The following FRMD3 variants were observed in gnomAD, a reference collection of about 807,000 sequenced individuals.
FRMD3 encodes FERM domain containing 3.
In FRMD3, 33 loss-of-function variants were observed where a neutral mutation model predicts 70.2. The ratio of observed to expected loss-of-function variants is 0.47; its 90% CI spans 0.36 to 0.63. The LOEUF is 0.63. Among genes scored for constraint, FRMD3 ranks in the 20% least tolerant of loss-of-function variants. FRMD3 has a pLI of 0.00. For synonymous variants in FRMD3, 279 were observed against 255.9 expected, an observed-to-expected ratio of 1.09 and a Z score of -0.86; for missense variants, 632 against 711.4, an observed-to-expected ratio of 0.89 and a Z score of 1.27.
intron 6 of FRMD3, among the ~76,000 whole-genome samples, chr9:83,316,139 CTTTTTTCTCTTTT>C (rs1835557734): frequency 7.1e-6 from 1 of 141,426 alleles, no homozygotes; most frequent in Non-Finnish European, 1.5e-5. Context: ...CCACCTTATT[CTTTTTTCTCTTTT>C]TTTTTTTTCT....
At chr9:83,358,409 A>G (rs1824473817) in intron 3 of FRMD3, among the ~76,000 whole-genome samples, 1 of 152,032 alleles carries the variant, frequency 6.6e-6, no homozygotes, top group South Asian at 2.1e-4. Flanking sequence ...TGCTTTGTCT[A>G]TGTGGGCTCT....
At chr9:83,254,928 C>G (rs1055683029) in intron 13 of FRMD3, among the ~76,000 whole-genome samples, 2 of 152,040 alleles carry the variant, frequency 1.3e-5, no homozygotes, top group Admixed American at 6.6e-5. Flanking sequence ...AGATTCAGAA[C>G]TGAAACTGAA....
intron 1 of FRMD3, among the ~76,000 whole-genome samples, chr9:83,517,533 T>A (rs1487564656): frequency 7.2e-6 from 1 of 138,612 alleles, no homozygotes; most frequent in Non-Finnish European, 1.5e-5. Flanking sequence ...CTAGGACCGA[T>A]GGATTCACAG....
In FRMD3 at chr9:83,246,892, C is replaced by T; in HGVS notation, c.*1026G>A. ...CACTTTCATAAAATAGACCATTCGC[C>T]TGTCACCATTTGCCTGCCAGCCTCA... On this transcript the variant is annotated 3_prime_UTR_variant, in exon 14 of 14. Coordinates refer to ENST00000304195, the MANE Select transcript of FRMD3 (RefSeq NM_174938.6). 1.0e-6 allele frequency: 1 copy of T among 985,428 alleles called. No individual in the cohort carries two copies. The highest frequency in any genetic ancestry group is 1.2e-6 in the Non-Finnish European group (1 of 829,936). The allele number at this position is 985,428 out of a possible 1,614,324, so 61.0% of individuals were successfully genotyped here.
chr9:83,459,914 C>T (rs2131435117), intron 1 of FRMD3, among the ~76,000 whole-genome samples: 1 of 152,370 alleles, frequency 6.6e-6, no homozygotes, highest in African/African-American at 2.4e-5. Context: ...CTCACTCTGT[C>T]CTCACATAGC....
chr9:83,257,614 A>G (rs1832778576), intron 13 of FRMD3, among the ~76,000 whole-genome samples: 1 of 152,068 alleles, frequency 6.6e-6, no homozygotes, highest in African/African-American at 2.4e-5. Context: ...TCTGGTTGCT[A>G]ATTCTGTATA....
intron 1 of FRMD3, among the ~76,000 whole-genome samples, chr9:83,438,812 T>C (rs924792529): frequency 6.6e-6 from 1 of 152,236 alleles, no homozygotes; most frequent in Non-Finnish European, 1.5e-5. Flanking sequence ...TCTTCCCTGC[T>C]GTGTGTGTTC....
At chr9:83,412,781 G>A (rs1187834449) in intron 1 of FRMD3, among the ~76,000 whole-genome samples, 2 of 152,102 alleles carry the variant, frequency 1.3e-5, no homozygotes, top group Non-Finnish European at 2.9e-5. Flanking sequence ...GATAACCTGA[G>A]GTCAGGAGTT....
intron 10 of FRMD3, among the ~76,000 whole-genome samples, chr9:83,306,128 G>A (rs1240501864): frequency 6.6e-6 from 1 of 152,154 alleles, no homozygotes; most frequent in Non-Finnish European, 1.5e-5. Context: ...CAACGTGCGT[G>A]AAATAGCAAA....
chr9:83,457,959 A>G (rs1248102758), intron 1 of FRMD3, among the ~76,000 whole-genome samples: 1 of 151,496 alleles, frequency 6.6e-6, no homozygotes, highest in Non-Finnish European at 1.5e-5. Context: ...AGTAAATAAA[A>G]TAAGTAACCA....
intron 1 of FRMD3, among the ~76,000 whole-genome samples, chr9:83,507,758 A>G (rs1829236739): frequency 8.0e-6 from 1 of 124,690 alleles, no homozygotes; most frequent in Admixed American, 9.1e-5. Flanking sequence ...ATATTTCCTG[A>G]AGGACATCCC....
chr9:83,571,196 T>C, the FRMD3 span, among the ~76,000 whole-genome samples: 2 of 152,140 alleles, frequency 1.3e-5, no homozygotes, highest in African/African-American at 4.8e-5. Context: ...TTGGTTTCTC[T>C]TGCTTCCCCT....
Position 83,411,610 on chromosome 9 carries a change from T to C in FRMD3, c.148-21902A>G, listed in dbSNP as rs1261816838. Among the ~76,000 whole-genome samples the C allele has an allele frequency of 3.3e-5, 5 of 152,244 alleles. No individual in the cohort carries two copies. In the South Asian group the frequency reaches 8.3e-4, roughly 25 times the overall value. On this transcript the variant is annotated intron_variant, in intron 1 of 13. Transcript: ENST00000304195. ...ATTGTCTAGGTGAGTGGAGTGGGGA[T>C]TCCCCCTTGCTTGTCAGTGGTAGTG...
intron 13 of FRMD3, among the ~76,000 whole-genome samples, chr9:83,269,656 C>T (rs558608282): frequency 6.6e-6 from 1 of 152,000 alleles, no homozygotes; most frequent in Non-Finnish European, 1.5e-5. Flanking sequence ...TTGCAGCAAG[C>T]CGAGATCTCA....
intron 1 of FRMD3, among the ~76,000 whole-genome samples, chr9:83,521,925 T>G (rs4424349): frequency 6.6e-6 from 1 of 152,002 alleles, no homozygotes; most frequent in Non-Finnish European, 1.5e-5. Context: ...ATTTTCCTTA[T>G]AGCTCATCTC....
In FRMD3 at chr9:83,416,986, C is replaced by T. The variant is rs1826476615; in HGVS notation, c.148-27278G>A. On this transcript the variant is annotated intron_variant, in intron 1 of 13. Coordinates refer to ENST00000304195, the MANE Select transcript of FRMD3 (RefSeq NM_174938.6). ...TATTCCCAACCACATTCACCAAATT[C>T]CACTCCTTTCTCCTTTCACCCAGGC... 2.0e-5 allele frequency among the ~76,000 whole-genome samples: 3 copies of T among 152,268 alleles called. No homozygotes were observed. In the South Asian group the frequency reaches 6.2e-4, roughly 32 times the overall value.
chr9:83,334,377 A>T (rs1823505671), intron 6 of FRMD3, among the ~76,000 whole-genome samples: 1 of 152,186 alleles, frequency 6.6e-6, no homozygotes, highest in South Asian at 2.1e-4. Flanking sequence ...CAGCTGAAAT[A>T]AGCTGCCACC....
chr9:83,280,274 A>G (rs1306590228), intron 13 of FRMD3, among the ~76,000 whole-genome samples: 1 of 152,212 alleles, frequency 6.6e-6, no homozygotes, highest in Admixed American at 6.5e-5. Context: ...TCTCTGTCCA[A>G]TGCTCTTCCC....
chr9:83,389,166 T>C (rs1825595246), intron 2 of FRMD3, among the ~76,000 whole-genome samples: 1 of 152,076 alleles, frequency 6.6e-6, no homozygotes, highest in Non-Finnish European at 1.5e-5. Context: ...AGCACTGGTC[T>C]TGAACTCCTG....
Sources: allele counts gnomAD v4.1 joint callset (sites outside exome capture counted in the v4.1 genomes callset), GRCh38; gene constraint gnomAD v4.1.1; transcripts MANE v1.5; gene names NCBI Gene and HGNC (gene_info 2026-07-23, HGNC 2026-07-21).